ADK: variants seen among roughly 807,000 people sequenced by gnomAD.
ADK encodes N6,N6-dimethyladenosine kinase.
A neutral mutation model predicts 44.7 loss-of-function variants in ADK; 24 were observed. That is an observed-to-expected ratio of 0.54 (90% CI 0.39 to 0.76). ADK has a LOEUF of 0.76. Among genes scored for constraint, ADK ranks in the 30% least tolerant of loss-of-function variants. The probability of loss-of-function intolerance (pLI) is 0.00; values close to 1 mark genes in which losing one functional copy is unlikely to be tolerated. For synonymous variants in ADK, 128 were observed against 142.6 expected, an observed-to-expected ratio of 0.90 and a Z score of 0.73; for missense variants, 321 against 425.1, an observed-to-expected ratio of 0.76 and a Z score of 2.15.
At position 74,591,082 on chromosome 10, in the gene ADK, T is replaced by A. The variant is rs188772888; in HGVS notation, c.762+1765T>A. ...CCTGTAGTATCTACATAGCAGTTTT[T>A]AAAAAATAGTTTATTAAGCCTGATT... On this transcript the variant is annotated intron_variant, in intron 8 of 10. Coordinates refer to ENST00000539909, the MANE Select transcript of ADK (RefSeq NM_006721.4). Among the ~76,000 whole-genome samples, 279 of 152,278 alleles carry A rather than the reference T, an allele frequency of 1.8e-3. 1 individual carries two copies. Among genetic ancestry groups the A allele is most frequent in the African/African-American group, 6.4e-3 (266 of 41,572 alleles).
chr10:74,385,102 G>A (rs554791466), intron 4 of ADK, among the ~76,000 whole-genome samples: 49 of 152,142 alleles, frequency 3.2e-4, no homozygotes, highest in African/African-American at 1.2e-3. Flanking sequence ...AAATGTGATG[G>A]TTGCACAGCT....
At chr10:74,187,255 C>T (rs983429184) in intron 1 of ADK, among the ~76,000 whole-genome samples, 1 of 152,186 alleles carries the variant, frequency 6.6e-6, no homozygotes, top group Non-Finnish European at 1.5e-5. Context: ...AATATTATCA[C>T]TGAATAATAT....
intron 4 of ADK, among the ~76,000 whole-genome samples, chr10:74,391,786 T>C (rs1347328464): frequency 2.6e-5 from 4 of 152,036 alleles, no homozygotes; most frequent in African/African-American, 4.8e-5. Context: ...TGTTGTTACA[T>C]AGTCAACCTC....
intron 7 of ADK, among the ~76,000 whole-genome samples, chr10:74,533,323 G>A (rs1849355516): frequency 6.6e-6 from 1 of 152,162 alleles, no homozygotes; most frequent in African/African-American, 2.4e-5. Context: ...CACTGGACTA[G>A]AGTAGCCAAA....
At chr10:74,627,583 G>C (rs1853257344) in intron 9 of ADK, among the ~76,000 whole-genome samples, 1 of 150,802 alleles carries the variant, frequency 6.6e-6, no homozygotes, top group Non-Finnish European at 1.5e-5. Flanking sequence ...TAAGTACTAA[G>C]AGTGTTTTGG....
At chr10:74,665,668 G>T (rs1854918976) in intron 9 of ADK, among the ~76,000 whole-genome samples, 1 of 151,842 alleles carries the variant, frequency 6.6e-6, no homozygotes, top group South Asian at 2.1e-4. Context: ...CCAGGAGTTT[G>T]AGGCTACAGT....
intron 9 of ADK, among the ~76,000 whole-genome samples, chr10:74,666,743 A>G (rs966005999): frequency 4.0e-5 from 6 of 151,698 alleles, no homozygotes; most frequent in African/African-American, 1.5e-4. Context: ...ATTCAGATTT[A>G]GTGAATGTAC....
At chr10:74,677,366 A>G (rs1855428911) in intron 10 of ADK, among the ~76,000 whole-genome samples, 1 of 152,232 alleles carries the variant, frequency 6.6e-6, no homozygotes, top group South Asian at 2.1e-4. Flanking sequence ...TGTGGCACCT[A>G]TCTATACTTC....
chr10:74,173,191 C>T (rs2132059484), intron 1 of ADK, among the ~76,000 whole-genome samples: 1 of 150,890 alleles, frequency 6.6e-6, no homozygotes, highest in African/African-American at 2.4e-5. Flanking sequence ...CTTGGGTTCA[C>T]ACCATTCTCC....
chr10:74,518,389 T>A (rs1848680138), intron 6 of ADK, among the ~76,000 whole-genome samples: 1 of 152,202 alleles, frequency 6.6e-6, no homozygotes, highest in Non-Finnish European at 1.5e-5. Flanking sequence ...CTATAAATAG[T>A]GGTTTATGCT....
At chr10:74,246,325 TACA>T in intron 3 of ADK, among the ~76,000 whole-genome samples, 1 of 152,346 alleles carries the variant, frequency 6.6e-6, no homozygotes, top group South Asian at 2.1e-4. Flanking sequence ...AAGACAAAGT[TACA>T]ACAAATTTAG....
intron 1 of ADK, among the ~76,000 whole-genome samples, chr10:74,161,112 G>C (rs1841886096): frequency 6.6e-6 from 1 of 152,206 alleles, no homozygotes; most frequent in South Asian, 2.1e-4. Flanking sequence ...GCTACTTGAA[G>C]TTGGGAAACT....
intron 7 of ADK, among the ~76,000 whole-genome samples, chr10:74,567,709 T>G (rs1399816354): frequency 2.0e-4 from 29 of 145,044 alleles, no homozygotes; most frequent in African/African-American, 7.1e-4. Flanking sequence ...GTTTTTTTTT[T>G]TTTTTTTGAG....
intron 6 of ADK, among the ~76,000 whole-genome samples, chr10:74,494,597 T>C (rs1589168968): frequency 6.6e-6 from 1 of 152,206 alleles, no homozygotes; most frequent in Non-Finnish European, 1.5e-5. Context: ...ATGTGAGTTT[T>C]AATTTGTAAA....
chr10:74,613,292 C>T (rs1852625569), intron 9 of ADK, among the ~76,000 whole-genome samples: 1 of 152,038 alleles, frequency 6.6e-6, no homozygotes, highest in Admixed American at 6.6e-5. Context: ...GTCTATCCTC[C>T]ACCTGTCACT....
chr10:74,658,131 A>T (rs1379187059), intron 9 of ADK, among the ~76,000 whole-genome samples: 1 of 152,214 alleles, frequency 6.6e-6, no homozygotes, highest in East Asian at 1.9e-4. Context: ...AGAACCATTG[A>T]AGAGTTTTTA....
intron 10 of ADK, among the ~76,000 whole-genome samples, chr10:74,673,601 G>A (rs967704773): frequency 1.3e-5 from 2 of 152,194 alleles, no homozygotes; most frequent in Non-Finnish European, 2.9e-5. Context: ...CCCAGAGGAA[G>A]CGTTACAGTG....
chr10:74,619,838 G>A (rs542932276), intron 9 of ADK, among the ~76,000 whole-genome samples: 1 of 151,988 alleles, frequency 6.6e-6, no homozygotes, highest in South Asian at 2.1e-4. Flanking sequence ...TTCCCAACTC[G>A]GCCTCCTGAG....
intron 1 of ADK, among the ~76,000 whole-genome samples, chr10:74,190,473 A>C (rs1842921714): frequency 6.6e-6 from 1 of 152,232 alleles, no homozygotes; most frequent in South Asian, 2.1e-4. Context: ...GAACTTTTCA[A>C]AACTCCCTAT....
Sources: allele counts gnomAD v4.1 joint callset (sites outside exome capture counted in the v4.1 genomes callset), GRCh38; gene constraint gnomAD v4.1.1; transcripts MANE v1.5; gene names NCBI Gene and HGNC (gene_info 2026-07-23, HGNC 2026-07-21).